The following ST18 variants were observed in gnomAD, a reference collection of about 807,000 sequenced individuals.
The protein encoded by ST18 is suppression of tumorigenicity 18 protein.
A neutral mutation model predicts 110.0 loss-of-function variants in ST18; 50 were observed. The ratio of observed to expected loss-of-function variants is 0.45; its 90% CI spans 0.36 to 0.58. The LOEUF is 0.58. ST18 is among the 20% of genes least tolerant of loss of function. The pLI is 0.00. For missense variants in ST18, 1,306 were observed against 1,280.1 expected, an observed-to-expected ratio of 1.02 and a Z score of -0.31; for synonymous variants, 461 against 452.4, an observed-to-expected ratio of 1.02 and a Z score of -0.24.
At position 52,180,217 on chromosome 8, in the gene ST18, G is replaced by C. The variant is rs2068815271; in HGVS notation, c.182C>G (p.Pro61Arg). The C allele has an allele frequency of 1.2e-6, 2 of 1,613,984 alleles. No individual in the cohort carries two copies. The highest frequency in any genetic ancestry group is 1.7e-6 in the Non-Finnish European group (2 of 1,180,028). The change falls in exon 9 of 26, where the codon CCC becomes CGC. Residue 61 changes from proline (P) to arginine (R), a missense_variant. By Grantham distance (103) the Pro-to-Arg change is moderately radical. Coordinates refer to ENST00000689386, the MANE Select transcript of ST18 (RefSeq NM_001352837.2). The part of the protein sequence containing the change: ...VNKRKSLLMK[P>R]RHYSPKADCQ... ...GTCTGCTTTTGGGCTGTAGTGTCGG[G>C]GCTTCATTAGCAGGGATTTCCTTTT...
intron 25 of ST18, among the ~76,000 whole-genome samples, chr8:52,114,096 A>G (rs2041604860): frequency 1.3e-5 from 2 of 149,082 alleles, no homozygotes; most frequent in South Asian, 2.2e-4. Context: ...CAGCCCCCCA[A>G]GTAGCTGGGA....
intron 25 of ST18, among the ~76,000 whole-genome samples, chr8:52,115,888 G>T (rs1208448625): frequency 6.6e-6 from 1 of 151,944 alleles, no homozygotes; most frequent in Admixed American, 6.6e-5. Flanking sequence ...AACATTTTTG[G>T]TTACAGTTCC....
At chr8:52,273,485 G>T (rs926555865) in intron 2 of ST18, among the ~76,000 whole-genome samples, 1 of 152,286 alleles carries the variant, frequency 6.6e-6, no homozygotes, top group South Asian at 2.1e-4. Context: ...GAGCACAATA[G>T]TACGGGTTAA....
At chr8:52,182,035 C>CA (rs936560043) in intron 8 of ST18, among the ~76,000 whole-genome samples, 2 of 151,470 alleles carry the variant, frequency 1.3e-5, no homozygotes, top group Admixed American at 6.6e-5. Context: ...GAATTTCCAC[C>CA]AAAAAAAATC....
intron 16 of ST18, among the ~76,000 whole-genome samples, chr8:52,143,777 T>A (rs542002336): frequency 2.8e-4 from 42 of 152,284 alleles, no homozygotes; most frequent in African/African-American, 1.0e-3. Context: ...CAAAAATGAA[T>A]CACACAAACT....
chr8:52,320,633 G>A (rs925739251), intron 2 of ST18, among the ~76,000 whole-genome samples: 18 of 152,206 alleles, frequency 1.2e-4, no homozygotes, highest in Non-Finnish European at 7.3e-5. Flanking sequence ...AATCAGGGAA[G>A]TGCTAACTGA....
At chr8:52,238,731 G>A (rs751197726) in intron 2 of ST18, among the ~76,000 whole-genome samples, 2 of 151,922 alleles carry the variant, frequency 1.3e-5, no homozygotes, top group African/African-American at 4.8e-5. Context: ...GGAACTAGAT[G>A]CCATTATCTT....
chr8:52,386,697 T>C (rs999174755), intron 2 of ST18, among the ~76,000 whole-genome samples: 1 of 152,210 alleles, frequency 6.6e-6, no homozygotes, highest in Non-Finnish European at 1.5e-5. Context: ...GTTCTCCTTA[T>C]AAGCCTGCTA....
At chr8:52,138,911 T>C (rs1265960834) in intron 17 of ST18, among the ~76,000 whole-genome samples, 1 of 152,196 alleles carries the variant, frequency 6.6e-6, no homozygotes, top group Non-Finnish European at 1.5e-5. Flanking sequence ...TCCTATATTT[T>C]CTGAGTTATC....
At chr8:52,244,685 C>T (rs1408213435) in intron 2 of ST18, among the ~76,000 whole-genome samples, 2 of 152,096 alleles carry the variant, frequency 1.3e-5, no homozygotes, top group Non-Finnish European at 2.9e-5. Flanking sequence ...TACATGTTTT[C>T]CAAAATATAA....
intron 2 of ST18, among the ~76,000 whole-genome samples, chr8:52,329,882 T>C (rs1808368273): frequency 6.6e-6 from 1 of 152,234 alleles, no homozygotes; most frequent in Non-Finnish European, 1.5e-5. Context: ...TACCTCCCCT[T>C]CTCTGTATCC....
chr8:52,190,324 T>C (rs769004413), intron 8 of ST18, among the ~76,000 whole-genome samples: 8 of 152,186 alleles, frequency 5.3e-5, no homozygotes, highest in Non-Finnish European at 1.0e-4. Context: ...TACACTTCTA[T>C]GTCCCAAGCG....
intron 8 of ST18, chr8:52,209,924 C>T (rs1398115121): frequency 2.2e-5 from 8 of 361,638 alleles, no homozygotes; most frequent in Admixed American, 1.4e-4. Flanking sequence ...TCTGCTAATA[C>T]CTAACTTTTT....
At chr8:52,235,432 A>G (rs1246279776) in intron 2 of ST18, among the ~76,000 whole-genome samples, 1 of 152,166 alleles carries the variant, frequency 6.6e-6, no homozygotes, top group East Asian at 1.9e-4. Context: ...CTTCTCTTTC[A>G]TAAGCAAGGT....
chr8:52,350,555 T>A (rs1438528465), intron 2 of ST18, among the ~76,000 whole-genome samples: 1 of 151,996 alleles, frequency 6.6e-6, no homozygotes, highest in Non-Finnish European at 1.5e-5. Context: ...AACCAAACAA[T>A]CCTTTTCTAA....
At chr8:52,163,920 C>A in intron 13 of ST18, 66 bp downstream of exon 13, 3 of 1,296,862 alleles carry the variant, frequency 2.3e-6, no homozygotes, top group Admixed American at 3.7e-5. Flanking sequence ...TCATGAAGGA[C>A]CAGAGGCCCC....
At position 52,271,135 on chromosome 8, in the gene ST18, T is replaced by G. The variant is rs557009402; in HGVS notation, c.-464-41058A>C. On this transcript the variant is annotated intron_variant, in intron 2 of 25. Coordinates refer to ENST00000689386, the MANE Select transcript of ST18 (RefSeq NM_001352837.2). ...GGTTGGTCTCGATCTTCTGACCTTG[T>G]GATCCGCCCACCTCAGCCTCCCAAA... is the stretch of plus-strand genomic sequence containing the variant. Among the ~76,000 whole-genome samples, 5 of 152,300 alleles carry G rather than the reference T, an allele frequency of 3.3e-5. No individual in the cohort carries two copies. The East Asian group carries it at 9.6e-4, about 29-fold the overall frequency.
At chr8:52,141,206 G>A (rs564869954) in intron 17 of ST18, among the ~76,000 whole-genome samples, 22 of 152,240 alleles carry the variant, frequency 1.4e-4, no homozygotes, top group African/African-American at 2.4e-4. Flanking sequence ...TTTTAAAGTC[G>A]CTCACATACC....
intron 2 of ST18, among the ~76,000 whole-genome samples, chr8:52,274,353 C>T (rs751366015): frequency 3.3e-5 from 5 of 151,928 alleles, no homozygotes; most frequent in East Asian, 3.9e-4. Flanking sequence ...GACATTCACA[C>T]GTGTATATAC....
Sources: allele counts gnomAD v4.1 joint callset (sites outside exome capture counted in the v4.1 genomes callset), GRCh38; gene constraint gnomAD v4.1.1; transcripts MANE v1.5; gene names NCBI Gene and HGNC (gene_info 2026-07-23, HGNC 2026-07-21).